KIFAP3: variants seen among roughly 807,000 people sequenced by gnomAD.
KIFAP3 encodes the protein kinesin-associated protein 3.
In KIFAP3, 68 loss-of-function variants were observed where a neutral mutation model predicts 106.5. The ratio of observed to expected loss-of-function variants is 0.64; its 90% CI spans 0.53 to 0.78. The LOEUF (loss-of-function observed/expected upper bound fraction) is 0.78, where lower values mean the gene tolerates loss of function less well. Ranked by LOEUF, KIFAP3 falls within the 30% of genes least tolerant of loss-of-function variation. KIFAP3 has a pLI of 0.00. For missense variants in KIFAP3, 780 were observed against 941.8 expected, an observed-to-expected ratio of 0.83 and a Z score of 2.25; for synonymous variants, 320 against 311.5, an observed-to-expected ratio of 1.03 and a Z score of -0.29.
chr1:169,946,933 TTTGA>T (rs1386432911), intron 19 of KIFAP3, among the ~76,000 whole-genome samples: 6 of 151,920 alleles, frequency 3.9e-5, no homozygotes, highest in East Asian at 3.8e-4. Context: ...TTTTATTTGC[TTTGA>T]TTTTTTCCTC....
intron 10 of KIFAP3, among the ~76,000 whole-genome samples, chr1:170,012,495 G>T (rs573668197): frequency 6.6e-6 from 1 of 152,014 alleles, no homozygotes; most frequent in Admixed American, 6.6e-5. Context: ...TTACGTTCAA[G>T]ATATTAAAGT....
upstream of KIFAP3, among the ~76,000 whole-genome samples, chr1:170,078,785 A>G (rs1319611250): frequency 6.6e-6 from 1 of 152,246 alleles, no homozygotes; most frequent in Non-Finnish European, 1.5e-5. Flanking sequence ...AAATGAAAGC[A>G]TATCTACCAA....
At chr1:170,034,609 T>C (rs1669582634) in intron 6 of KIFAP3, 113 bp from the exon 7 acceptor site, 1 of 493,380 alleles carries the variant, frequency 2.0e-6, no homozygotes, top group Non-Finnish European at 3.5e-6. Context: ...TTGATATACA[T>C]ATTTTAATAA....
intron 1 of KIFAP3, among the ~76,000 whole-genome samples, chr1:170,059,753 T>C (rs1364219151): frequency 6.6e-6 from 1 of 152,178 alleles, no homozygotes; most frequent in East Asian, 1.9e-4. Flanking sequence ...TGAACATCGA[T>C]GCAAAAATCC....
At chr1:169,968,232 C>T (rs1335940917) in intron 17 of KIFAP3, among the ~76,000 whole-genome samples, 2 of 151,810 alleles carry the variant, frequency 1.3e-5, no homozygotes, top group Non-Finnish European at 2.9e-5. Context: ...TGGAATGTGC[C>T]ATCCTTTTTG....
chr1:170,000,199 T>A (rs1018150771), intron 10 of KIFAP3, among the ~76,000 whole-genome samples: 2 of 152,086 alleles, frequency 1.3e-5, no homozygotes, highest in Non-Finnish European at 2.9e-5. Flanking sequence ...CTGCAGTAGA[T>A]CCAGCCCAAC....
intron 19 of KIFAP3, among the ~76,000 whole-genome samples, chr1:169,925,265 A>C (rs1017555965): frequency 6.6e-6 from 1 of 152,076 alleles, no homozygotes; most frequent in Non-Finnish European, 1.5e-5. Context: ...TGAATCACCA[A>C]AATAGTGTCT....
At chr1:169,921,802 T>A (rs1393823003) in intron 19 of KIFAP3, 21 bp from the exon 20 acceptor site, 2 of 1,566,936 alleles carry the variant, frequency 1.3e-6, no homozygotes, top group Non-Finnish European at 1.8e-6. Context: ...AAAAAAAGAA[T>A]GATAAGCTAT....
In KIFAP3 at chr1:170,032,590, C is replaced by T. The variant is rs144469473; in HGVS notation, c.743-606G>A. On this transcript the variant is annotated intron_variant, in intron 7 of 19. Coordinates refer to ENST00000361580, the MANE Select transcript of KIFAP3 (RefSeq NM_014970.4). Reference sequence around the variant, plus strand: ...CAAAAATAATCAGTTACTTCAGTATCCCCAAGCATATGAGTCAAGCATATG... The same window carrying T: ...CAAAAATAATCAGTTACTTCAGTATTCCCAAGCATATGAGTCAAGCATATG... Among the ~76,000 whole-genome samples, 777 of 151,798 alleles carry T rather than the reference C, an allele frequency of 5.1e-3. 5 individuals carry two copies. The highest frequency in any genetic ancestry group is 0.017 in the Middle Eastern group (5 of 294).
intron 19 of KIFAP3, among the ~76,000 whole-genome samples, chr1:169,952,965 G>T (rs529185338): frequency 2.8e-4 from 42 of 151,970 alleles, no homozygotes; most frequent in African/African-American, 9.6e-4. Flanking sequence ...ATAGAAAATA[G>T]CTTATCCTAA....
chr1:170,014,319 T>C (rs1668397759), intron 10 of KIFAP3, among the ~76,000 whole-genome samples: 1 of 152,230 alleles, frequency 6.6e-6, no homozygotes, highest in Admixed American at 6.5e-5. Context: ...CATAAATCCA[T>C]TTTTCTAAAT....
At chr1:170,039,588 G>A (rs1036683894) in intron 3 of KIFAP3, among the ~76,000 whole-genome samples, 2 of 151,972 alleles carry the variant, frequency 1.3e-5, no homozygotes, top group African/African-American at 4.8e-5. Context: ...AAAATAGTCT[G>A]TTCTAAGTAT....
chr1:170,029,439 A>G (rs372613954), intron 8 of KIFAP3, among the ~76,000 whole-genome samples: 20 of 152,222 alleles, frequency 1.3e-4, no homozygotes, highest in African/African-American at 3.1e-4. Flanking sequence ...GAGAAACTGG[A>G]AAGTATTTAA....
intron 11 of KIFAP3, among the ~76,000 whole-genome samples, chr1:169,989,772 T>C (rs2101927277): frequency 6.6e-6 from 1 of 152,200 alleles, no homozygotes; most frequent in South Asian, 2.1e-4. Context: ...AGTTTATCAA[T>C]TTTTTAAATA....
At chr1:170,083,908 T>C (rs559439536) in intron 1 of KIFAP3, among the ~76,000 whole-genome samples, 1 of 152,368 alleles carries the variant, frequency 6.6e-6, no homozygotes, top group African/African-American at 2.4e-5. Flanking sequence ...ATGAAAATGA[T>C]GATGTTATTA....
intron 3 of KIFAP3, among the ~76,000 whole-genome samples, chr1:170,044,144 G>A (rs1670124663): frequency 6.6e-6 from 1 of 152,136 alleles, no homozygotes. Context: ...GGGTGGATAG[G>A]ATTATCAAAG....
At chr1:169,927,930 C>A (rs1164145941) in intron 19 of KIFAP3, among the ~76,000 whole-genome samples, 2 of 151,972 alleles carry the variant, frequency 1.3e-5, no homozygotes, top group African/African-American at 4.8e-5. Context: ...TGACCAAATT[C>A]TATGTTTTAG....
chr1:169,982,186 T>A, intron 14 of KIFAP3, 89 bp from the exon 15 acceptor site: 3 of 1,296,802 alleles, frequency 2.3e-6, no homozygotes, highest in Non-Finnish European at 3.2e-6. Flanking sequence ...ACAGAAAGGA[T>A]ACTGAAAGCT....
At chr1:170,013,049 C>T (rs1361919914) in intron 10 of KIFAP3, among the ~76,000 whole-genome samples, 1 of 152,012 alleles carries the variant, frequency 6.6e-6, no homozygotes, top group Non-Finnish European at 1.5e-5. Context: ...GAAAAGACAC[C>T]TCAAAGGCTC....
Sources: allele counts gnomAD v4.1 joint callset (sites outside exome capture counted in the v4.1 genomes callset), GRCh38; gene constraint gnomAD v4.1.1; transcripts MANE v1.5; gene names NCBI Gene and HGNC (gene_info 2026-07-23, HGNC 2026-07-21).